Variants in ADAMTSL1 observed in about 807,000 individuals in gnomAD.
ADAMTSL1 encodes the protein ADAMTS-like protein 1.
A neutral mutation model predicts 201.8 loss-of-function variants in ADAMTSL1; 126 were observed. That is an observed-to-expected ratio of 0.62 (90% CI 0.54 to 0.72). The LOEUF (loss-of-function observed/expected upper bound fraction) is 0.72, where lower values mean the gene tolerates loss of function less well. ADAMTSL1 is among the 30% of genes least tolerant of loss of function. The probability of loss-of-function intolerance (pLI) is 0.00; values close to 1 mark genes in which losing one functional copy is unlikely to be tolerated. For synonymous variants in ADAMTSL1, 1,121 were observed against 903.4 expected (o/e 1.24, Z -4.32); for missense variants, 2,679 against 2,277.8 (o/e 1.18, Z -3.59).
intron 4 of ADAMTSL1, among the ~76,000 whole-genome samples, chr9:18,601,398 G>C (rs367663069): frequency 7.2e-5 from 11 of 152,302 alleles, no homozygotes; most frequent in African/African-American, 2.6e-4. Flanking sequence ...CTCAGCTACA[G>C]GTGTGCACAG....
intron 2 of ADAMTSL1, among the ~76,000 whole-genome samples, chr9:18,267,775 C>CAAAA (rs1198311322): frequency 5.5e-5 from 6 of 108,524 alleles, no homozygotes; most frequent in South Asian, 3.1e-4. Context: ...AAAAAAAAAA[C>CAAAA]AAAAACAAAA....
At chr9:18,642,135 G>A (rs770713111) in intron 7 of ADAMTSL1, among the ~76,000 whole-genome samples, 1 of 151,988 alleles carries the variant, frequency 6.6e-6, no homozygotes, top group Non-Finnish European at 1.5e-5. Context: ...AGCCATCAGT[G>A]TGGTGCTTAC....
chr9:18,544,300 C>T (rs374488592), intron 3 of ADAMTSL1, among the ~76,000 whole-genome samples: 19 of 152,310 alleles, frequency 1.2e-4, no homozygotes, highest in African/African-American at 4.1e-4. Context: ...CACAGTATCA[C>T]ATCAGCATTA....
At chr9:18,667,815 C>T (rs570385532) in intron 9 of ADAMTSL1, among the ~76,000 whole-genome samples, 2 of 152,098 alleles carry the variant, frequency 1.3e-5, no homozygotes, top group African/African-American at 4.8e-5. Flanking sequence ...AAAGATGGTT[C>T]TCTGTTTGTT....
At chr9:18,637,536 C>T (rs572339942) in intron 6 of ADAMTSL1, among the ~76,000 whole-genome samples, 6 of 152,130 alleles carry the variant, frequency 3.9e-5, no homozygotes, top group African/African-American at 1.4e-4. Context: ...CACAAAGAAG[C>T]TGAAGAATTG....
intron 2 of ADAMTSL1, among the ~76,000 whole-genome samples, chr9:18,354,485 G>A (rs1186315751): frequency 3.9e-5 from 6 of 152,054 alleles, no homozygotes; most frequent in Non-Finnish European, 2.9e-5. Flanking sequence ...TTTGAATTGA[G>A]AATCCATTTC....
intron 5 of ADAMTSL1, among the ~76,000 whole-genome samples, chr9:18,632,110 A>G (rs10481564): frequency 0.22 from 34,135 of 152,122 alleles, 3,944 homozygotes; most frequent in Admixed American, 0.27. Flanking sequence ...GGCATTAATC[A>G]CCAAGGAGGC....
chr9:18,409,097 A>T (rs538862296), intron 2 of ADAMTSL1, among the ~76,000 whole-genome samples: 31 of 152,152 alleles, frequency 2.0e-4, no homozygotes, highest in Admixed American at 5.9e-4. Flanking sequence ...GAAGACTGAC[A>T]TCCAGGCCGG....
intron 1 of ADAMTSL1, among the ~76,000 whole-genome samples, chr9:18,112,097 C>A (rs1438561479): frequency 6.6e-6 from 1 of 152,100 alleles, no homozygotes; most frequent in Non-Finnish European, 1.5e-5. Flanking sequence ...ATTCATTCAG[C>A]ACACTTATTT....
At chr9:18,767,266 G>A (rs900529823) in intron 16 of ADAMTSL1, among the ~76,000 whole-genome samples, 1 of 152,154 alleles carries the variant, frequency 6.6e-6, no homozygotes, top group Non-Finnish European at 1.5e-5. Flanking sequence ...GCACAAACTT[G>A]TTTCTTTCCA....
chr9:18,137,692 A>C (rs184243793), intron 1 of ADAMTSL1, among the ~76,000 whole-genome samples: 1 of 152,298 alleles, frequency 6.6e-6, no homozygotes, highest in African/African-American at 2.4e-5. Context: ...AATTATAAAG[A>C]ATTCCCACCT....
intron 1 of ADAMTSL1, among the ~76,000 whole-genome samples, chr9:18,084,260 G>A (rs1457527289): frequency 6.6e-6 from 1 of 151,768 alleles, no homozygotes; most frequent in East Asian, 1.9e-4. Flanking sequence ...GGTGGCTCAT[G>A]CCTGTAATCC....
At chr9:18,110,890 T>G (rs144665306) in intron 1 of ADAMTSL1, among the ~76,000 whole-genome samples, 394 of 152,276 alleles carry the variant, frequency 2.6e-3, no homozygotes, top group African/African-American at 9.1e-3. Context: ...TATGTATCAG[T>G]TGACTCGGGA....
chr9:18,634,310 T>C (rs1826962921), intron 5 of ADAMTSL1, among the ~76,000 whole-genome samples: 1 of 152,114 alleles, frequency 6.6e-6, no homozygotes, highest in South Asian at 2.1e-4. Context: ...ACCCATGCAA[T>C]CCCAGCACTT....
At chr9:18,523,923 G>A (rs1332454308) in intron 2 of ADAMTSL1, among the ~76,000 whole-genome samples, 2 of 133,024 alleles carry the variant, frequency 1.5e-5, no homozygotes, top group East Asian at 2.2e-4. Flanking sequence ...TTGGTGATGT[G>A]GGCTCTTTTT....
chr9:18,259,476 C>T (rs1389439825), intron 2 of ADAMTSL1, among the ~76,000 whole-genome samples: 1 of 150,314 alleles, frequency 6.7e-6, no homozygotes, highest in Admixed American at 6.6e-5. Flanking sequence ...CCTGCCACCA[C>T]ACTCCAGCCT....
chr9:18,005,141 A>T (rs1004638913), intron 1 of ADAMTSL1, among the ~76,000 whole-genome samples: 6 of 152,120 alleles, frequency 3.9e-5, no homozygotes, highest in South Asian at 2.1e-4. Context: ...CTGAGTTTAT[A>T]GAATATCATG....
At chr9:18,004,433 G>A (rs557133151) in intron 1 of ADAMTSL1, among the ~76,000 whole-genome samples, 1 of 152,072 alleles carries the variant, frequency 6.6e-6, no homozygotes, top group Admixed American at 6.5e-5. Context: ...AGACACTGAC[G>A]TGAACCCACA....
chr9:18,520,124 C>T (rs1266573133), intron 2 of ADAMTSL1, among the ~76,000 whole-genome samples: 2 of 152,186 alleles, frequency 1.3e-5, no homozygotes, highest in Non-Finnish European at 2.9e-5. Context: ...ACAAACTCCA[C>T]AATTCAGCCT....
Sources: gnomAD v4.1 joint callset for allele counts (sites outside exome capture counted in the v4.1 genomes callset) on GRCh38, gnomAD v4.1.1 for gene constraint, MANE v1.5 for transcripts, NCBI Gene and HGNC (gene_info 2026-07-23, HGNC 2026-07-21) for gene names.